The following CYP19A1 variants were observed in gnomAD, a reference collection of about 807,000 sequenced individuals.
The protein encoded by CYP19A1 is cytochrome P450 family 19 subfamily A member 1.
CYP19A1 carries 32 observed loss-of-function variants against 44.4 expected under a neutral mutation model. The ratio of observed to expected loss-of-function variants is 0.72; its 90% CI spans 0.54 to 0.97. The LOEUF is 0.97. CYP19A1 is among the 50% of genes least tolerant of loss of function. CYP19A1 has a pLI of 0.00. For missense variants in CYP19A1, 598 were observed against 637.8 expected (o/e 0.94, Z 0.67); for synonymous variants, 212 against 215.6 (o/e 0.98, Z 0.14).
At chr15:51,241,812 A>G (rs1351348042) in intron 2 of CYP19A1, among the ~76,000 whole-genome samples, 2 of 152,202 alleles carry the variant, frequency 1.3e-5, no homozygotes, top group Non-Finnish European at 2.9e-5. Flanking sequence ...GAGACAGGCA[A>G]TTATCTGGAA....
At chr15:51,308,579 A>G (rs1215414855) in intron 1 of CYP19A1, among the ~76,000 whole-genome samples, 2 of 152,160 alleles carry the variant, frequency 1.3e-5, no homozygotes, top group East Asian at 1.9e-4. Context: ...CCTTTCCCCA[A>G]ACTCCTCCCC....
chr15:51,337,657 G>A (rs923909905), intron 1 of CYP19A1, among the ~76,000 whole-genome samples: 5 of 152,228 alleles, frequency 3.3e-5, no homozygotes, highest in Non-Finnish European at 5.9e-5. Context: ...CTTAAAGTGG[G>A]CAACACTGAA....
intron 1 of CYP19A1, among the ~76,000 whole-genome samples, chr15:51,322,366 G>C (rs1049645679): frequency 6.6e-6 from 1 of 152,244 alleles, no homozygotes; most frequent in African/African-American, 2.4e-5. Context: ...AAGTGCAAGT[G>C]ACAATTAATA....
At position 51,307,775 on chromosome 15, in the gene CYP19A1, G is replaced by A. The variant is rs572021235; in HGVS notation, c.-39+30720C>T. Among the ~76,000 whole-genome samples, 13 of 152,284 alleles carry A rather than the reference G, an allele frequency of 8.5e-5. No homozygotes were observed. In the South Asian group the frequency reaches 2.3e-3, roughly 27 times the overall value. ...ATGTATGTGATTAGCCCTAATGCCAGTTTCATTTTCCCCCACCCAACCACT... is the reference window on the plus strand; with the variant it reads ...ATGTATGTGATTAGCCCTAATGCCAATTTCATTTTCCCCCACCCAACCACT... On this transcript the variant is annotated intron_variant, in intron 1 of 9. Coordinates refer to ENST00000396402, the MANE Select transcript of CYP19A1 (RefSeq NM_000103.4).
chr15:51,223,310 T>C (rs1208383456), intron 4 of CYP19A1, among the ~76,000 whole-genome samples: 2 of 152,012 alleles, frequency 1.3e-5, no homozygotes, highest in Non-Finnish European at 2.9e-5. Context: ...GCTTTGATCT[T>C]ACTCTTGCCC....
chr15:51,327,979 T>C (rs975194961), intron 1 of CYP19A1, among the ~76,000 whole-genome samples: 45 of 152,212 alleles, frequency 3.0e-4, no homozygotes, highest in African/African-American at 1.1e-3. Flanking sequence ...AAAAATCTTG[T>C]ACATGACTAC....
At chr15:51,259,875 C>T (rs558191634) in intron 1 of CYP19A1, among the ~76,000 whole-genome samples, 1 of 152,234 alleles carries the variant, frequency 6.6e-6, no homozygotes, top group African/African-American at 2.4e-5. Context: ...TTCCTAGAAC[C>T]CTGAACACCA....
At chr15:51,306,976 C>T (rs1431338108) in intron 1 of CYP19A1, among the ~76,000 whole-genome samples, 1 of 152,154 alleles carries the variant, frequency 6.6e-6, no homozygotes, top group Non-Finnish European at 1.5e-5. Flanking sequence ...ATAAGTAAAC[C>T]AGATAATGGC....
chr15:51,304,869 C>T (rs1214634355), intron 1 of CYP19A1, among the ~76,000 whole-genome samples: 2 of 145,404 alleles, frequency 1.4e-5, no homozygotes, highest in African/African-American at 2.6e-5. Flanking sequence ...CCATTCATCC[C>T]TCAGGTAATT....
intron 4 of CYP19A1, 79 bp downstream of exon 4, chr15:51,227,700 A>AAATAAAT: frequency 2.3e-6 from 1 of 434,820 alleles, no homozygotes; most frequent in Non-Finnish European, 4.1e-6. Context: ...ATAAATAAAT[A>AAATAAAT]AAATATTTTA....
At chr15:51,283,158 AAAG>A (rs57654996) in intron 1 of CYP19A1, among the ~76,000 whole-genome samples, 19,935 of 152,142 alleles carry the variant, frequency 0.13, 1,548 homozygotes, top group African/African-American at 0.21. Flanking sequence ...GGACGAGTGT[AAAG>A]AACTAATTTC....
intron 1 of CYP19A1, among the ~76,000 whole-genome samples, chr15:51,289,846 C>T (rs1211580527): frequency 6.6e-6 from 1 of 152,154 alleles, no homozygotes; most frequent in East Asian, 1.9e-4. Context: ...GCGGAAGAGT[C>T]TTCTTCCAGC....
chr15:51,309,232 T>C (rs1469575573), intron 1 of CYP19A1, among the ~76,000 whole-genome samples: 1 of 152,172 alleles, frequency 6.6e-6, no homozygotes, highest in East Asian at 1.9e-4. Flanking sequence ...TTCTGCTATG[T>C]GAGAATACAG....
chr15:51,252,127 G>A (rs8041967), intron 1 of CYP19A1, among the ~76,000 whole-genome samples: 56,530 of 152,052 alleles, frequency 0.37, 12,478 homozygotes, highest in Non-Finnish European at 0.5. Context: ...ACACTGAGAC[G>A]TCAGGGAGGC....
At chr15:51,334,477 C>T (rs989940399) in intron 1 of CYP19A1, among the ~76,000 whole-genome samples, 14 of 152,172 alleles carry the variant, frequency 9.2e-5, no homozygotes, top group African/African-American at 2.7e-4. Context: ...AACAGTGGCT[C>T]GAGTTCCATA....
At chr15:51,264,000 G>T (rs1210968664) in intron 1 of CYP19A1, among the ~76,000 whole-genome samples, 1 of 152,198 alleles carries the variant, frequency 6.6e-6, no homozygotes. Flanking sequence ...GTCAACAAAG[G>T]ATTTAGTGGT....
chr15:51,327,069 C>A (rs2036619501), intron 1 of CYP19A1, among the ~76,000 whole-genome samples: 2 of 152,192 alleles, frequency 1.3e-5, no homozygotes, highest in South Asian at 4.1e-4. Flanking sequence ...CATCCAAAAG[C>A]AGCTCGTATT....
At chr15:51,290,304 C>T (rs893773442) in intron 1 of CYP19A1, among the ~76,000 whole-genome samples, 2 of 152,194 alleles carry the variant, frequency 1.3e-5, no homozygotes, top group East Asian at 1.9e-4. Flanking sequence ...CAGCAAAGTT[C>T]GCAGCACATG....
At chr15:51,220,358 T>C (rs1174333832) in intron 5 of CYP19A1, among the ~76,000 whole-genome samples, 1 of 152,230 alleles carries the variant, frequency 6.6e-6, no homozygotes, top group Non-Finnish European at 1.5e-5. Flanking sequence ...TCTATGTCTT[T>C]TCCTGTCCAC....
Sources: allele counts gnomAD v4.1 joint callset (sites outside exome capture counted in the v4.1 genomes callset), GRCh38; gene constraint gnomAD v4.1.1; transcripts MANE v1.5; gene names NCBI Gene and HGNC (gene_info 2026-07-23, HGNC 2026-07-21).